Variants in LCA5L observed in about 807,000 individuals in gnomAD.
LCA5L encodes the protein lebercilin LCA5 like.
In LCA5L, 35 loss-of-function variants were observed where a neutral mutation model predicts 45.4. The observed-to-expected ratio is 0.77, with a 90% CI of 0.59 to 1.02. The LOEUF (loss-of-function observed/expected upper bound fraction) is 1.02, where lower values mean the gene tolerates loss of function less well. LCA5L is among the 50% of genes least tolerant of loss of function. The probability of loss-of-function intolerance (pLI) is 0.00; values close to 1 mark genes in which losing one functional copy is unlikely to be tolerated. For synonymous variants in LCA5L, 233 were observed against 264.7 expected, an observed-to-expected ratio of 0.88 and a Z score of 1.16; for missense variants, 668 against 761.6, an observed-to-expected ratio of 0.88 and a Z score of 1.45.
At chr21:39,410,203 G>A (rs2039844544) in intron 9 of LCA5L, 61 bp downstream of exon 9, 2 of 1,260,238 alleles carry the variant, frequency 1.6e-6, no homozygotes, top group Non-Finnish European at 1.2e-6. Context: ...ACAAGTGACT[G>A]TAGCCTATTT....
At position 39,428,078 on chromosome 21, in the gene LCA5L, TA is replaced by T. The variant is rs2075076112; in HGVS notation, c.322+93del. 7 of 721,426 alleles carry T rather than the reference TA, an allele frequency of 9.7e-6. No homozygotes were observed. In the East Asian group the frequency reaches 1.7e-4, roughly 18 times the overall value. The allele number at this position is 721,426 out of a possible 1,614,324, so 44.7% of individuals were successfully genotyped here. The stretch of plus-strand genomic sequence containing the variant: ...ACACATTTACAATATGGGAAAACAA[TA>T]AAACTGAGTATGAACCACTTCAAAC... On this transcript the variant is annotated intron_variant, in intron 5 of 10. Transcript: ENST00000288350.
intron 7 of LCA5L, among the ~76,000 whole-genome samples, chr21:39,417,614 A>G (rs988926391): frequency 6.8e-4 from 103 of 152,316 alleles, no homozygotes; most frequent in African/African-American, 2.4e-3. Flanking sequence ...TATAAGGGAC[A>G]GAGGTTTAAT....
chr21:39,445,430 C>T (rs13050837), intron 1 of LCA5L: 78,257 of 152,226 alleles, frequency 0.51, 20,535 homozygotes, highest in East Asian at 0.67. Flanking sequence ...CCAGGCGCGG[C>T]CCCGGGAGCG....
rs1272939641 is a variant in LCA5L, at chr21:39,406,157, T to TAA, written c.1737_1738insTT (p.Lys580LeufsTer6). 1 of 1,614,262 alleles carries TAA rather than the reference T, an allele frequency of 6.2e-7. No individual in the cohort carries two copies. Among genetic ancestry groups the TAA allele is most frequent in the Non-Finnish European group, 8.5e-7 (1 of 1,180,042 alleles). On this transcript the variant is annotated frameshift_variant, in exon 11 of 11. Coordinates refer to ENST00000288350, the MANE Select transcript of LCA5L (RefSeq NM_152505.4). LOFTEE classifies it low-confidence loss of function (END_TRUNC). ...TCCTTCACTTTTATTCTGGAAGACT[T>TAA]ACCAAATGAGGGCTCATACCCACTG...
chr21:39,424,967 G>C (rs1221757003), intron 5 of LCA5L, among the ~76,000 whole-genome samples: 1 of 152,222 alleles, frequency 6.6e-6, no homozygotes, highest in African/African-American at 2.4e-5. Flanking sequence ...CACACAGCTA[G>C]GAAGTGGTGA....
At chr21:39,414,810 GT>G (rs2040854228) in intron 7 of LCA5L, among the ~76,000 whole-genome samples, 1 of 150,188 alleles carries the variant, frequency 6.7e-6, no homozygotes, top group Non-Finnish European at 1.5e-5. Flanking sequence ...GATTGTCTAT[GT>G]TTGGTTTCAT....
intron 7 of LCA5L, among the ~76,000 whole-genome samples, chr21:39,415,292 T>C (rs1430215541): frequency 6.6e-6 from 1 of 152,202 alleles, no homozygotes; most frequent in Non-Finnish European, 1.5e-5. Context: ...GATCTAGCCA[T>C]TTCTACTCTT....
Position 39,418,057 on chromosome 21 carries a change from C to CCTG in LCA5L, c.975+2648_975+2649insCAG, listed in dbSNP as rs1569086199. The stretch of plus-strand genomic sequence containing the variant: ...CTGGGATTACAGGCGTGAGCCACCG[C>CCTG]GCCCAGCGGGGGAGTTTCTTTTTAT... On this transcript the variant is annotated intron_variant, in intron 7 of 10. Coordinates refer to ENST00000288350, the MANE Select transcript of LCA5L (RefSeq NM_152505.4). Among the ~76,000 whole-genome samples the CCTG allele has an allele frequency of 7.2e-5, 11 of 152,068 alleles. No homozygotes were observed. The East Asian group carries it at 2.2e-3, about 30-fold the overall frequency.
chr21:39,423,476 A>C lies in LCA5L; in HGVS notation c.337T>G (p.Ser113Ala), dbSNP rs772137118. Residue 113 changes from serine to alanine, a missense_variant, in exon 6 of 11, where the codon TCA (serine) becomes GCA (alanine). By Grantham distance (99) the Ser-to-Ala change is moderately conservative (BLOSUM62 1). Coordinates refer to ENST00000288350, the MANE Select transcript of LCA5L (RefSeq NM_152505.4). ...TTCCAGGTGTGCTTTTTTTCAACTG[A>C]TATTTCCTTCTGGCCTGTGTAAGCA... ...ISQSKGQKEISVEKKHTWNAS... is the reference protein window; with the variant it reads ...ISQSKGQKEIAVEKKHTWNAS... The C allele has an allele frequency of 3.8e-6, 6 of 1,563,994 alleles. No individual in the cohort carries two copies. Among genetic ancestry groups the C allele is most frequent in the African/African-American group, 2.7e-5 (2 of 73,070 alleles).
At chr21:39,442,925 G>A (rs1205402927) in intron 2 of LCA5L, among the ~76,000 whole-genome samples, 2 of 152,180 alleles carry the variant, frequency 1.3e-5, no homozygotes, top group Non-Finnish European at 2.9e-5. Flanking sequence ...AATGGGAACA[G>A]ATGCCGAGCT....
At chr21:39,434,669 C>T (rs1316320614) in intron 3 of LCA5L, among the ~76,000 whole-genome samples, 1 of 152,046 alleles carries the variant, frequency 6.6e-6, no homozygotes. Flanking sequence ...AGGCACATAC[C>T]ACCATGCCTG....
chr21:39,420,872 T>C (rs2042181976), intron 6 of LCA5L, 29 bp from the exon 7 acceptor site: 1 of 1,560,834 alleles, frequency 6.4e-7, no homozygotes, highest in African/African-American at 1.4e-5. Flanking sequence ...ATAACTATTC[T>C]GCAACCAAGT....
chr21:39,412,709 C>T (rs558532933), intron 7 of LCA5L, among the ~76,000 whole-genome samples: 12 of 152,282 alleles, frequency 7.9e-5, no homozygotes, highest in African/African-American at 2.6e-4. Flanking sequence ...GGGTGAGAAA[C>T]ATCTCTGAGG....
rs1412126109 is a variant in LCA5L, at chr21:39,444,156, G to GTAT, written c.-268_-267insATA. The GTAT allele has an allele frequency of 1.8e-4, 27 of 152,060 alleles. No homozygotes were observed. The highest frequency in any genetic ancestry group is 5.8e-4 in the African/African-American group (24 of 41,364). 9.4% of individuals were successfully genotyped at this position (152,060 alleles called of 1,614,324 possible). On this transcript the variant is annotated 5_prime_UTR_variant, in exon 2 of 11. Transcript: ENST00000288350. Reference sequence around the variant, plus strand: ...TTACTATTCAAAATGATCAGCATACGGATGATCATTTGTCTGCATCTCAGT... The same window carrying GTAT: ...TTACTATTCAAAATGATCAGCATACGTATGATGATCATTTGTCTGCATCTCAGT...
At position 39,417,434 on chromosome 21, in the gene LCA5L, C is replaced by T. The variant is rs60872755; in HGVS notation, c.975+3272G>A. On this transcript the variant is annotated intron_variant, in intron 7 of 10. Coordinates refer to ENST00000288350, the MANE Select transcript of LCA5L (RefSeq NM_152505.4). ...TATTCATGAAATCTAGGTTCTAGAG[C>T]TGTCCCTTCTACTCTATTCTCTCTT... Among the ~76,000 whole-genome samples the T allele has an allele frequency of 3.0e-3, 459 of 152,302 alleles. 1 individual carries two copies. The highest frequency in any genetic ancestry group is 0.011 in the African/African-American group (437 of 41,558).
chr21:39,429,816 A>G (rs2075459372), intron 3 of LCA5L, among the ~76,000 whole-genome samples: 1 of 152,092 alleles, frequency 6.6e-6, no homozygotes, highest in African/African-American at 2.4e-5. Context: ...TCAGAAGTTT[A>G]GGACCAGCCT....
intron 3 of LCA5L, among the ~76,000 whole-genome samples, chr21:39,431,382 A>G (rs181553127): frequency 6.6e-6 from 1 of 152,162 alleles, no homozygotes; most frequent in East Asian, 1.9e-4. Context: ...ATTATCCACA[A>G]TCTTTCCTGC....
At chr21:39,411,421 T>C (rs896846093) in intron 8 of LCA5L, among the ~76,000 whole-genome samples, 2 of 152,188 alleles carry the variant, frequency 1.3e-5, no homozygotes, top group African/African-American at 4.8e-5. Flanking sequence ...GGCTAACAGA[T>C]ACACTTAGAA....
chr21:39,430,684 G>C lies in LCA5L; in HGVS notation c.-91-1473C>G, dbSNP rs138993029. On this transcript the variant is annotated intron_variant, in intron 3 of 10. Transcript: ENST00000288350. Reference sequence around the variant, plus strand: ...CACGTCCCCCCATCCCCCCAGCTGAGCTAAGTAATCATTTCTAAGCTGCTT... The same window carrying C: ...CACGTCCCCCCATCCCCCCAGCTGACCTAAGTAATCATTTCTAAGCTGCTT... Among the ~76,000 whole-genome samples, 238 of 152,246 alleles carry C rather than the reference G, an allele frequency of 1.6e-3. 1 individual carries two copies. Among genetic ancestry groups the C allele is most frequent in the African/African-American group, 5.4e-3 (223 of 41,550 alleles).
Sources: gnomAD v4.1 joint callset for allele counts (sites outside exome capture counted in the v4.1 genomes callset) on GRCh38, gnomAD v4.1.1 for gene constraint, MANE v1.5 for transcripts, NCBI Gene and HGNC (gene_info 2026-07-23, HGNC 2026-07-21) for gene names.